The following CCDC60 variants were observed in gnomAD, a reference collection of about 807,000 sequenced individuals.
CCDC60 encodes the protein coiled-coil domain containing 60, also known as coiled-coil domain-containing protein 60.
CCDC60 carries 54 observed loss-of-function variants against 63.5 expected under a neutral mutation model. That is an observed-to-expected ratio of 0.85 (90% confidence interval 0.68 to 1.07). The LOEUF (loss-of-function observed/expected upper bound fraction) is 1.07, where lower values mean the gene tolerates loss of function less well. CCDC60 is among the 50% of genes least tolerant of loss of function. CCDC60 has a pLI of 0.00. For missense variants in CCDC60, 651 were observed against 684.3 expected (o/e 0.95, Z 0.54); for synonymous variants, 206 against 238.8 (o/e 0.86, Z 1.27).
chr12:119,463,868 C>T (rs1175710113), intron 2 of CCDC60, among the ~76,000 whole-genome samples: 4 of 152,174 alleles, frequency 2.6e-5, no homozygotes, highest in Admixed American at 6.5e-5. Context: ...TGGAGTAGGA[C>T]CCTGGAGTAA....
At position 119,343,767 on chromosome 12, in the gene CCDC60, T is replaced by C. The variant is rs113835021; in HGVS notation, c.90+8501T>C. On this transcript the variant is annotated intron_variant, in intron 1 of 13. Transcript: ENST00000327554. ...AGCCATCTGAATCTTGAACGTTGGCTGGATATAGACTTGGGTGGTACTAGA... is the reference window on the plus strand; with the variant it reads ...AGCCATCTGAATCTTGAACGTTGGCCGGATATAGACTTGGGTGGTACTAGA... Among the ~76,000 whole-genome samples, 454 of 151,888 alleles carry C rather than the reference T, an allele frequency of 3.0e-3. 4 individuals are homozygous for C. The highest frequency in any genetic ancestry group is 9.9e-3 in the African/African-American group (408 of 41,362).
intron 7 of CCDC60, among the ~76,000 whole-genome samples, chr12:119,510,138 T>C (rs896816956): frequency 2.6e-5 from 4 of 152,218 alleles, no homozygotes; most frequent in African/African-American, 9.6e-5. Flanking sequence ...TTTCTCCATG[T>C]TGAGTCAGAA....
chr12:119,398,190 G>T (rs1956316992), intron 1 of CCDC60, among the ~76,000 whole-genome samples: 1 of 145,912 alleles, frequency 6.9e-6, no homozygotes, highest in Non-Finnish European at 1.5e-5. Flanking sequence ...TGCCCTGTGG[G>T]GAGGTGGCTG....
chr12:119,422,285 C>G (rs996709721), intron 1 of CCDC60, among the ~76,000 whole-genome samples: 5 of 152,166 alleles, frequency 3.3e-5, no homozygotes, highest in Non-Finnish European at 5.9e-5. Context: ...TTTATGCAAC[C>G]AGGTTGGGAG....
chr12:119,478,954 TC>T, intron 3 of CCDC60, 139 bp from the exon 4 acceptor site: 2 of 673,226 alleles, frequency 3.0e-6, no homozygotes, highest in Non-Finnish European at 2.7e-6. Flanking sequence ...TCTGAAACCC[TC>T]ATCCCTCCAG....
At chr12:119,486,118 C>A (rs1017461396) in intron 4 of CCDC60, among the ~76,000 whole-genome samples, 50 of 152,218 alleles carry the variant, frequency 3.3e-4, no homozygotes, top group African/African-American at 1.0e-3. Context: ...TGGCCCAGTG[C>A]CAGGCATGTG....
rs762744877 is a variant in CCDC60 at position 119,410,215 on chromosome 12, G to A, written c.91-18468G>A. Among the ~76,000 whole-genome samples the A allele has an allele frequency of 6.6e-6, 1 of 151,832 alleles. No individual in the cohort carries two copies. The highest frequency in any genetic ancestry group is 1.5e-5 in the Non-Finnish European group (1 of 67,966). ...TGTGTGTGTGTCTGTGTGTGTGTGT[G>A]TGTGTGGTTTCCAAATCTCTCTGGA... On this transcript the variant is annotated intron_variant, in intron 1 of 13. Transcript: ENST00000327554. This position sits in a 1 kb window ranked among gnomAD's most constrained non-coding sequence, Gnocchi z 4.0.
intron 1 of CCDC60, among the ~76,000 whole-genome samples, chr12:119,424,512 A>C (rs1424717132): frequency 1.3e-5 from 2 of 152,180 alleles, no homozygotes; most frequent in Non-Finnish European, 2.9e-5. Context: ...CTGGCGACAT[A>C]ATTTCCTTGG....
At chr12:119,498,401 C>T (rs1008364700) in intron 5 of CCDC60, among the ~76,000 whole-genome samples, 8 of 152,000 alleles carry the variant, frequency 5.3e-5, no homozygotes, top group Non-Finnish European at 8.8e-5. Context: ...GGTGCGATCT[C>T]GGCTCACTGC....
chr12:119,432,939 C>T (rs1338536906), intron 2 of CCDC60, among the ~76,000 whole-genome samples: 3 of 152,156 alleles, frequency 2.0e-5, no homozygotes, highest in Non-Finnish European at 4.4e-5. Context: ...ATACAGTTTG[C>T]TAATCTCTAT....
intron 1 of CCDC60, among the ~76,000 whole-genome samples, chr12:119,395,602 A>T (rs114406208): frequency 6.6e-6 from 1 of 152,256 alleles, no homozygotes; most frequent in Non-Finnish European, 1.5e-5. Context: ...ACAATTTGAC[A>T]TGAAATTTGG....
chr12:119,495,202 A>G (rs1397303577), intron 5 of CCDC60, among the ~76,000 whole-genome samples: 1 of 152,230 alleles, frequency 6.6e-6, no homozygotes, highest in African/African-American at 2.4e-5. Context: ...CTTGCTGCAA[A>G]GTATGGGTGC....
At chr12:119,518,909 T>C (rs958572650) in intron 8 of CCDC60, among the ~76,000 whole-genome samples, 1 of 152,146 alleles carries the variant, frequency 6.6e-6, no homozygotes, top group African/African-American at 2.4e-5. Context: ...CATGAGACCA[T>C]CACATGGCCT....
chr12:119,534,940 T>G (rs985514822), intron 13 of CCDC60, among the ~76,000 whole-genome samples: 1 of 152,184 alleles, frequency 6.6e-6, no homozygotes, highest in Admixed American at 6.5e-5. Flanking sequence ...ATAAAATGAG[T>G]TGGGGAGGAT....
At chr12:119,504,206 A>G (rs1306272457) in intron 6 of CCDC60, among the ~76,000 whole-genome samples, 2 of 152,112 alleles carry the variant, frequency 1.3e-5, no homozygotes, top group South Asian at 2.1e-4. Context: ...TGGTTCTGCT[A>G]TTTTCTTGCT....
chr12:119,367,294 G>A (rs1051099524), intron 1 of CCDC60, among the ~76,000 whole-genome samples: 6 of 152,166 alleles, frequency 3.9e-5, no homozygotes, highest in African/African-American at 1.4e-4. Context: ...ACTTGTGCAA[G>A]GTCATGGAGG....
intron 1 of CCDC60, among the ~76,000 whole-genome samples, chr12:119,337,335 G>A (rs1955482129): frequency 6.6e-6 from 1 of 152,208 alleles, no homozygotes; most frequent in Non-Finnish European, 1.5e-5. Flanking sequence ...TAGCGAGGGT[G>A]AACATCAGAG....
intron 1 of CCDC60, among the ~76,000 whole-genome samples, chr12:119,425,823 C>T (rs1057327646): frequency 1.3e-5 from 2 of 152,182 alleles, no homozygotes; most frequent in Non-Finnish European, 2.9e-5. Context: ...CATGACCATC[C>T]ATAAACTAAC....
At chr12:119,513,606 C>T (rs1347430711) in intron 7 of CCDC60, among the ~76,000 whole-genome samples, 1 of 152,164 alleles carries the variant, frequency 6.6e-6, no homozygotes, top group Non-Finnish European at 1.5e-5. Flanking sequence ...ATGATGTCAC[C>T]TTGACTTAAC....
Sources: gnomAD v4.1 joint callset for allele counts (sites outside exome capture counted in the v4.1 genomes callset) on GRCh38, gnomAD v4.1.1 for gene constraint, Gnocchi (gnomAD v3.1) non-coding constraint, MANE v1.5 for transcripts, NCBI Gene and HGNC (gene_info 2026-07-23, HGNC 2026-07-21) for gene names.